CYP4F11: variants seen among roughly 807,000 people sequenced by gnomAD.
CYP4F11 encodes cytochrome P450 family 4 subfamily F member 11, also known as cytochrome P450 4F11.
CYP4F11 carries 79 observed loss-of-function variants against 62.2 expected under a neutral mutation model. The ratio of observed to expected loss-of-function variants is 1.27; its 90% CI spans 1.06 to 1.53. The LOEUF (loss-of-function observed/expected upper bound fraction) is 1.53, where lower values mean the gene tolerates loss of function less well. Ranked by LOEUF, CYP4F11 falls within the 40% of genes most tolerant of loss-of-function variation. CYP4F11 has a pLI of 0.00. For synonymous variants in CYP4F11, 290 were observed against 263.7 expected (o/e 1.10, Z -0.97); for missense variants, 777 against 680.5 (o/e 1.14, Z -1.58).
chr19:15,913,600 C>A lies in CYP4F11; in HGVS notation c.*132G>T. 8.4e-7 allele frequency: 1 copy of A among 1,191,812 alleles called. No individual in the cohort carries two copies. Among genetic ancestry groups the A allele is most frequent in the Non-Finnish European group, 1.2e-6 (1 of 846,064 alleles). The allele number at this position is 1,191,812 out of a possible 1,614,324, so 73.8% of individuals were successfully genotyped here. A position where few individuals can be genotyped will look rare whatever the true frequency, so the allele number is the denominator to read the frequency against. ...TTCAGAGACGTCACCCTGCCTCCAC[C>A]CACTCACCTCCCTTTCTTAGATCCC... On this transcript the variant is annotated 3_prime_UTR_variant, in exon 12 of 12. Transcript: ENST00000402119.
chr19:15,922,531 A>G, intron 6 of CYP4F11, 101 bp from the exon 7 acceptor site: 2 of 1,279,550 alleles, frequency 1.6e-6, no homozygotes, highest in Non-Finnish European at 2.3e-6. Flanking sequence ...TCCTCCTTCC[A>G]GAAACCCAAG....
rs1468791456 is a variant in CYP4F11, at chr19:15,934,328, G to A, written c.81C>T (p.Gly27=). 1 of 1,613,092 alleles carries A rather than the reference G, an allele frequency of 6.2e-7. No individual in the cohort carries two copies. The highest frequency in any genetic ancestry group is 8.5e-7 in the Non-Finnish European group (1 of 1,179,488). The part of the protein sequence containing the change: ...SPWLLLLLVG[G]SWLLARVLAW... ...CCAGGACGCGGGCCAGGAGCCAGGAGCCTCCAACCAGCAGCAGAAGCAGCC... is the reference window on the plus strand; with the variant it reads ...CCAGGACGCGGGCCAGGAGCCAGGAACCTCCAACCAGCAGCAGAAGCAGCC... The change falls in exon 1 of 12, where the codon GGC becomes GGT. Residue 27 remains glycine, a synonymous_variant. Coordinates refer to ENST00000402119, the MANE Select transcript of CYP4F11 (RefSeq NM_021187.4).
At position 15,922,026 on chromosome 19, in the gene CYP4F11, C is replaced by T. The variant is rs372111935; in HGVS notation, c.1115+11G>A. Reference sequence around the variant, plus strand: ...ACAAAAGATCAGGAACAGGCCAGCACCTGCACTCACCATTCAATCTCTATA... The same window carrying T: ...ACAAAAGATCAGGAACAGGCCAGCATCTGCACTCACCATTCAATCTCTATA... On this transcript the variant is annotated intron_variant, in intron 8 of 11. Coordinates refer to ENST00000402119, the MANE Select transcript of CYP4F11 (RefSeq NM_021187.4). 3.1e-6 allele frequency: 5 copies of T among 1,591,402 alleles called. No homozygotes were observed. The South Asian group carries it at 4.6e-5, about 15-fold the overall frequency.
In CYP4F11 at chr19:15,914,776, C is replaced by A. The variant is rs777878547; in HGVS notation, c.1235G>T (p.Arg412Leu). ...GCTGTGAGCACCTTTGGGGATGACGCGGCCGTCTGGGAGCACAAAGTCCTG... is the reference window on the plus strand; with the variant it reads ...GCTGTGAGCACCTTTGGGGATGACGAGGCCGTCTGGGAGCACAAAGTCCTG... ...CTQDFVLPDG[R>L]VIPKGIVCLI... is the part of the protein sequence containing the mutation. The change falls in exon 9 of 12, where the codon CGC becomes CTC. Residue 412 changes from arginine to leucine, a missense_variant. Coordinates refer to ENST00000402119, the MANE Select transcript of CYP4F11 (RefSeq NM_021187.4). The A allele has an allele frequency of 2.5e-6, 4 of 1,614,158 alleles. No homozygotes were observed. In the East Asian group the frequency reaches 6.7e-5, roughly 27 times the overall value.
intron 6 of CYP4F11, among the ~76,000 whole-genome samples, chr19:15,923,545 G>A (rs995788561): frequency 4.6e-5 from 7 of 152,138 alleles, no homozygotes; most frequent in Non-Finnish European, 1.0e-4. Context: ...CATAGATATA[G>A]ACATAGATAG....
intron 2 of CYP4F11, among the ~76,000 whole-genome samples, chr19:15,928,973 G>C (rs78509894): frequency 2.0e-5 from 3 of 152,154 alleles, no homozygotes; most frequent in African/African-American, 7.2e-5. Flanking sequence ...GCCTGGCAGC[G>C]GTACCTGTAT....
At chr19:15,915,982 C>T (rs993896295) in intron 8 of CYP4F11, among the ~76,000 whole-genome samples, 1 of 151,776 alleles carries the variant, frequency 6.6e-6, no homozygotes, top group African/African-American at 2.4e-5. Flanking sequence ...TCTGTATTTC[C>T]AATGAATTTA....
chr19:15,928,107 T>C (rs1209744745), intron 2 of CYP4F11: 1 of 152,182 alleles, frequency 6.6e-6, no homozygotes, highest in Non-Finnish European at 1.5e-5. Flanking sequence ...TCAAATAATA[T>C]CTCAGACAGT....
At chr19:15,915,488 C>A (rs1480957898) in intron 8 of CYP4F11, among the ~76,000 whole-genome samples, 1 of 152,152 alleles carries the variant, frequency 6.6e-6, no homozygotes, top group Non-Finnish European at 1.5e-5. Context: ...ACTTAAGTGG[C>A]TCTAAATTTA....
At chr19:15,924,292 C>T (rs942250383) in intron 5 of CYP4F11, among the ~76,000 whole-genome samples, 1 of 152,140 alleles carries the variant, frequency 6.6e-6, no homozygotes, top group Non-Finnish European at 1.5e-5. Flanking sequence ...CCATGCTTCT[C>T]TCCCGTCTCT....
chr19:15,923,778 C>G (rs2089647092), intron 6 of CYP4F11, 34 bp downstream of exon 6: 1 of 1,597,542 alleles, frequency 6.3e-7, no homozygotes, highest in Non-Finnish European at 8.6e-7. Context: ...AATCTCCACT[C>G]TATTACTTGA....
Position 15,913,624 on chromosome 19 carries a change from C to T in CYP4F11, c.*108G>A. ...CCCACTCACCTCCCTTTCTTAGATC[C>T]CACCAGTCCCCAGGAGCCCCATGCT... On this transcript the variant is annotated 3_prime_UTR_variant, in exon 12 of 12. Transcript: ENST00000402119. The T allele has an allele frequency of 3.5e-6, 5 of 1,411,908 alleles. No individual in the cohort carries two copies. Among genetic ancestry groups the T allele is most frequent in the Non-Finnish European group, 4.9e-6 (5 of 1,026,472 alleles). 87.5% of individuals were successfully genotyped at this position (1,411,908 alleles called of 1,614,324 possible).
In CYP4F11 at chr19:15,934,415, G is replaced by C; in HGVS notation, c.-7C>G. On this transcript the variant is annotated 5_prime_UTR_variant, in exon 1 of 12. Transcript: ENST00000402119. ...ACAGGCTCAGCTGCGGCATCCTGCA[G>C]GGCAGACGGGATGGAGGGTGGGATC... 2 of 1,612,256 alleles carry C rather than the reference G, an allele frequency of 1.2e-6. No individual in the cohort carries two copies. Among genetic ancestry groups the C allele is most frequent in the African/African-American group, 2.7e-5 (2 of 74,910 alleles).
chr19:15,934,335 A>G lies in CYP4F11; in HGVS notation c.74T>C (p.Val25Ala), dbSNP rs146423290. The change falls in exon 1 of 12, where the codon GTT (valine) becomes GCT (alanine). Residue 25 changes from valine (V) to alanine (A), a missense_variant. Physicochemically the swap from Val to Ala is moderately conservative, Grantham distance 64. Transcript: ENST00000402119. The part of the protein sequence containing the change: ...AASPWLLLLL[V>A]GGSWLLARVL... ...GCGGGCCAGGAGCCAGGAGCCTCCAACCAGCAGCAGAAGCAGCCACGGGGA... is the reference window on the plus strand; with the variant it reads ...GCGGGCCAGGAGCCAGGAGCCTCCAGCCAGCAGCAGAAGCAGCCACGGGGA... 4.2e-4 allele frequency: 684 copies of G among 1,613,196 alleles called. 2 individuals carry two copies. Among genetic ancestry groups the G allele is most frequent in the Non-Finnish European group, 5.2e-4 (616 of 1,179,648 alleles).
chr19:15,916,999 A>G (rs879058783), intron 8 of CYP4F11, among the ~76,000 whole-genome samples: 1 of 152,196 alleles, frequency 6.6e-6, no homozygotes, highest in African/African-American at 2.4e-5. Context: ...ACAATTCACA[A>G]TTGCAGGGAT....
At chr19:15,918,354 C>T (rs182717710) in intron 8 of CYP4F11, among the ~76,000 whole-genome samples, 62 of 151,974 alleles carry the variant, frequency 4.1e-4, no homozygotes, top group Non-Finnish European at 8.8e-4. Context: ...AATACCAAGG[C>T]GATGGGTTGA....
At position 15,914,353 on chromosome 19, in the gene CYP4F11, A is replaced by G. The variant is rs938885583; in HGVS notation, c.1349T>C (p.Ile450Thr). 1 of 1,613,908 alleles carries G rather than the reference A, an allele frequency of 6.2e-7. No individual in the cohort carries two copies. The highest frequency in any genetic ancestry group is 8.5e-7 in the Non-Finnish European group (1 of 1,179,992). The change falls in exon 11 of 12, where the codon ATC (isoleucine) becomes ACC (threonine). Residue 450 changes from isoleucine to threonine, a missense_variant. Coordinates refer to ENST00000402119, the MANE Select transcript of CYP4F11 (RefSeq NM_021187.4). Reference protein sequence around the residue: ...YDPFRFDQENIKERSPLAFIP... With the variant: ...YDPFRFDQENTKERSPLAFIP... The stretch of plus-strand genomic sequence containing the variant: ...AAAAGCCAGAGGTGACCTCTCCTTG[A>G]TGTTCTCTTGGTCGAAACGGAAGGG...
chr19:15,924,772 G>A lies in CYP4F11; in HGVS notation c.636C>T (p.Ser212=). The change falls in exon 5 of 12, where the codon AGC becomes AGT. Residue 212 remains serine, a synonymous_variant. Coordinates refer to ENST00000402119, the MANE Select transcript of CYP4F11 (RefSeq NM_021187.4). Reference sequence around the variant, plus strand: ...AGGAAAGGACTCACTCCTGACAATTGCTTTCAAAGCTGAAGACACATTTCT... The same window carrying A: ...AGGAAAGGACTCACTCCTGACAATTACTTTCAAAGCTGAAGACACATTTCT... The part of the protein sequence containing the change: ...SLQKCVFSFE[S]NCQEKPSEYI... 1 of 1,611,380 alleles carries A rather than the reference G, an allele frequency of 6.2e-7. No individual in the cohort carries two copies. The highest frequency in any genetic ancestry group is 1.1e-5 in the South Asian group (1 of 91,044).
At position 15,924,058 on chromosome 19, in the gene CYP4F11, G is replaced by A. The variant is rs1314182907; in HGVS notation, c.672C>T (p.Ala224=). ...CQEKPSEYIA[A]ILELSAFVEK... The stretch of plus-strand genomic sequence containing the variant: ...CTACAAAGGCACTGAGCTCCAAGAT[G>A]GCGGCAATATATTCACTGGGCTTCC... The change falls in exon 6 of 12, where the codon GCC becomes GCT. Residue 224 remains alanine (A), a synonymous_variant. Coordinates refer to ENST00000402119, the MANE Select transcript of CYP4F11 (RefSeq NM_021187.4). 3 of 1,613,936 alleles carry A rather than the reference G, an allele frequency of 1.9e-6. No individual in the cohort carries two copies. Among genetic ancestry groups the A allele is most frequent in the African/African-American group, 2.7e-5 (2 of 74,920 alleles).
Sources: gnomAD v4.1 joint callset for allele counts (sites outside exome capture counted in the v4.1 genomes callset) on GRCh38, gnomAD v4.1.1 for gene constraint, MANE v1.5 for transcripts, NCBI Gene and HGNC (gene_info 2026-07-23, HGNC 2026-07-21) for gene names.